ITGAM: variants seen among roughly 807,000 people sequenced by gnomAD.
The protein encoded by ITGAM is integrin subunit alpha M.
ITGAM carries 79 observed loss-of-function variants against 137.5 expected under a neutral mutation model. That is an observed-to-expected ratio of 0.57 (90% CI 0.48 to 0.69). The LOEUF (loss-of-function observed/expected upper bound fraction) is 0.69. Among genes scored for constraint, ITGAM ranks in the 30% least tolerant of loss-of-function variants. The probability of loss-of-function intolerance (pLI) is 0.00; values close to 1 mark genes in which losing one functional copy is unlikely to be tolerated. For missense variants in ITGAM, 1,343 were observed against 1,483.5 expected (o/e 0.91, Z 1.56); for synonymous variants, 583 against 592.3 (o/e 0.98, Z 0.23).
intron 12 of ITGAM, among the ~76,000 whole-genome samples, chr16:31,291,299 G>A (rs180676967): frequency 3.9e-5 from 6 of 152,226 alleles, no homozygotes; most frequent in African/African-American, 9.6e-5. Flanking sequence ...CGATAAACAC[G>A]GGAGTGCAGT....
intron 1 of ITGAM, 40 bp downstream of exon 1, chr16:31,260,132 G>T: frequency 7.2e-7 from 1 of 1,393,898 alleles, no homozygotes; most frequent in Non-Finnish European, 9.9e-7. Flanking sequence ...GTGGGGAGGA[G>T]GGTAACTTTT....
At chr16:31,298,269 T>C (rs1218221342) in intron 14 of ITGAM, among the ~76,000 whole-genome samples, 1 of 149,204 alleles carries the variant, frequency 6.7e-6, no homozygotes, top group Non-Finnish European at 1.5e-5. Context: ...TCCCAGCTAC[T>C]CTGGAGGCTG....
Position 31,310,891 on chromosome 16 carries a change from G to T in ITGAM, c.1708-10350G>T, listed in dbSNP as rs367617187. 6.2e-4 allele frequency among the ~76,000 whole-genome samples: 94 copies of T among 152,194 alleles called. 2 individuals carry two copies. In the East Asian group the frequency reaches 0.013, roughly 21 times the overall value. On this transcript the variant is annotated intron_variant, in intron 14 of 29. Transcript: ENST00000544665. ...GGTTTTTGGTGTGGATGTCCTTTCTGTTGTTAGTTTTCCTTCTAACAGTCA... is the reference window on the plus strand; with the variant it reads ...GGTTTTTGGTGTGGATGTCCTTTCTTTTGTTAGTTTTCCTTCTAACAGTCA...
chr16:31,293,070 T>C (rs1453988621), intron 12 of ITGAM, among the ~76,000 whole-genome samples: 1 of 152,198 alleles, frequency 6.6e-6, no homozygotes, highest in Non-Finnish European at 1.5e-5. Flanking sequence ...TCGAAAAGTG[T>C]CTGTTCATTT....
At chr16:31,277,236 G>C (rs1567253367) in intron 11 of ITGAM, among the ~76,000 whole-genome samples, 187 bp downstream of exon 11, 1 of 151,832 alleles carries the variant, frequency 6.6e-6, no homozygotes, top group African/African-American at 2.4e-5. Flanking sequence ...CTTTCTTGTC[G>C]CCCGGGCTGT....
In ITGAM at chr16:31,296,359, C is replaced by T. The variant is rs140539666; in HGVS notation, c.1357-1155C>T. On this transcript the variant is annotated intron_variant, in intron 12 of 29. Transcript: ENST00000544665. ...AACTCCTGACCTCAGGTGATCCACA[C>T]GCCCTGGCCTCCCAAAATGCTGGGA... Among the ~76,000 whole-genome samples the T allele has an allele frequency of 7.2e-5, 11 of 151,824 alleles. No individual in the cohort carries two copies. In the East Asian group the frequency reaches 2.1e-3, roughly 29 times the overall value.
intron 7 of ITGAM, among the ~76,000 whole-genome samples, chr16:31,272,699 G>T (rs1271810120): frequency 3.3e-5 from 5 of 150,366 alleles, no homozygotes; most frequent in Non-Finnish European, 7.4e-5. Context: ...GACCAGGCTG[G>T]TCTTGAACTC....
intron 2 of ITGAM, among the ~76,000 whole-genome samples, chr16:31,262,242 C>G (rs908169162): frequency 1.3e-4 from 19 of 147,992 alleles, no homozygotes; most frequent in Non-Finnish European, 2.5e-4. Context: ...TCCCTTCCTC[C>G]CTTCCTTCCT....
rs1207869505 is a variant in ITGAM, at chr16:31,331,886, T to G, written c.*179T>G. 1.8e-6 allele frequency: 1 copy of G among 553,336 alleles called. No individual in the cohort carries two copies. The highest frequency in any genetic ancestry group is 3.2e-6 in the Non-Finnish European group (1 of 313,896). 34.3% of individuals were successfully genotyped at this position (553,336 alleles called of 1,614,324 possible). A position where few individuals can be genotyped will look rare whatever the true frequency, so the allele number is the denominator to read the frequency against. ...GTGTGTGCAAGTGTCTGTGTGCAAGTGTGTGCACATGTGTGCGTGTGCGTG... is the reference window on the plus strand; with the variant it reads ...GTGTGTGCAAGTGTCTGTGTGCAAGGGTGTGCACATGTGTGCGTGTGCGTG... On this transcript the variant is annotated 3_prime_UTR_variant, in exon 30 of 30. Transcript: ENST00000544665.
chr16:31,276,625 C>A, intron 9 of ITGAM, 46 bp from the exon 10 acceptor site: 1 of 1,421,254 alleles, frequency 7.0e-7, no homozygotes, highest in Non-Finnish European at 9.8e-7. Context: ...AGCCACCATG[C>A]CCGGCCTTCT....
chr16:31,270,743 A>T (rs1344359272), intron 5 of ITGAM, among the ~76,000 whole-genome samples: 2,734 of 106,190 alleles, frequency 0.026, 89 homozygotes, highest in Non-Finnish European at 0.038. Context: ...ATATATATAT[A>T]TGTTTTTAAC....
At chr16:31,328,639 G>A (rs1353502944) in intron 23 of ITGAM, among the ~76,000 whole-genome samples, 5 of 150,518 alleles carry the variant, frequency 3.3e-5, no homozygotes, top group African/African-American at 1.2e-4. Context: ...GGGTGTGTGT[G>A]CATATGTGTG....
intron 14 of ITGAM, among the ~76,000 whole-genome samples, chr16:31,298,555 T>G (rs993189284): frequency 2.6e-5 from 4 of 152,228 alleles, no homozygotes; most frequent in Non-Finnish European, 4.4e-5. Context: ...AGTATTGGGA[T>G]GCAGGCATTC....
At chr16:31,307,696 T>C (rs1172994696) in intron 14 of ITGAM, among the ~76,000 whole-genome samples, 1 of 151,808 alleles carries the variant, frequency 6.6e-6, no homozygotes, top group Non-Finnish European at 1.5e-5. Context: ...TGAATAGGAG[T>C]GGTGAGAGAG....
In ITGAM at chr16:31,297,391, T is replaced by C; in HGVS notation, c.1357-123T>C. ...AAGTGATAATTTATCATGAACCATA[T>C]AGAAGATCACATCTGCTCCAGAGGG... On this transcript the variant is annotated intron_variant, in intron 12 of 29. Coordinates refer to ENST00000544665, the MANE Select transcript of ITGAM (RefSeq NM_000632.4). The C allele has an allele frequency of 2.4e-6, 3 of 1,255,550 alleles. No homozygotes were observed. The South Asian group carries it at 3.8e-5, about 16-fold the overall frequency. The allele number at this position is 1,255,550 out of a possible 1,614,324, so 77.8% of individuals were successfully genotyped here.
intron 2 of ITGAM, among the ~76,000 whole-genome samples, chr16:31,263,529 A>G (rs1250941204): frequency 6.6e-6 from 1 of 152,160 alleles, no homozygotes; most frequent in Non-Finnish European, 1.5e-5. Context: ...TCAGTGTGCT[A>G]TCAAACTTAC....
rs1057196053 is a variant in ITGAM, at chr16:31,273,269, C to T, written c.705-96C>T. The T allele has an allele frequency of 7.3e-6, 8 of 1,100,216 alleles. No homozygotes were observed. In the African/African-American group the frequency reaches 1.3e-4, roughly 17 times the overall value. The allele number at this position is 1,100,216 out of a possible 1,614,324, so 68.2% of individuals were successfully genotyped here. Reference sequence around the variant, plus strand: ...TATGATTGTGTCTCTGCACTCCAGCCTGGATAACAGAGTGAGTGTCTATTT... The same window carrying T: ...TATGATTGTGTCTCTGCACTCCAGCTTGGATAACAGAGTGAGTGTCTATTT... On this transcript the variant is annotated intron_variant, in intron 7 of 29. Coordinates refer to ENST00000544665, the MANE Select transcript of ITGAM (RefSeq NM_000632.4).
chr16:31,263,999 C>A (rs1277470651), intron 2 of ITGAM, among the ~76,000 whole-genome samples: 1 of 151,688 alleles, frequency 6.6e-6, no homozygotes, highest in Non-Finnish European at 1.5e-5. Flanking sequence ...CCACGCCTGG[C>A]TAATTTTTTT....
At chr16:31,278,832 C>T (rs1197276660) in intron 12 of ITGAM, among the ~76,000 whole-genome samples, 2 of 152,138 alleles carry the variant, frequency 1.3e-5, no homozygotes, top group African/African-American at 4.8e-5. Flanking sequence ...TGGTGTGTTG[C>T]ACCCATTAGC....
Sources: allele counts gnomAD v4.1 joint callset (sites outside exome capture counted in the v4.1 genomes callset), GRCh38; gene constraint gnomAD v4.1.1; transcripts MANE v1.5; gene names NCBI Gene and HGNC (gene_info 2026-07-23, HGNC 2026-07-21).